MYRIP: variants seen among roughly 807,000 people sequenced by gnomAD.
MYRIP encodes myosin VIIA and Rab interacting protein.
Under a neutral mutation model 98.0 loss-of-function variants are expected in MYRIP, and 49 were observed. The observed-to-expected ratio is 0.50, with a 90% CI of 0.40 to 0.63. The LOEUF (loss-of-function observed/expected upper bound fraction) is 0.63, where lower values mean the gene tolerates loss of function less well. Among genes scored for constraint, MYRIP ranks in the 30% least tolerant of loss-of-function variants. The probability of loss-of-function intolerance (pLI) is 0.00; values close to 1 mark genes in which losing one functional copy is unlikely to be tolerated. For synonymous variants in MYRIP, 404 were observed against 409.5 expected, an observed-to-expected ratio of 0.99 and a Z score of 0.16; for missense variants, 1,004 against 1,058.2, an observed-to-expected ratio of 0.95 and a Z score of 0.71.
At position 39,841,899 on chromosome 3, in the gene MYRIP, G is replaced by T. The variant is rs555168718; in HGVS notation, c.-31+31983G>T. Among the ~76,000 whole-genome samples the T allele has an allele frequency of 1.4e-3, 208 of 152,320 alleles. 5 individuals are homozygous for T. In the South Asian group the frequency reaches 0.042, roughly 31 times the overall value. ...CTGTATAAGGTGTCTGTCAACCCCT[G>T]CTGGGAGGTGTCTCCCAGTCAGGAG... On this transcript the variant is annotated intron_variant, in intron 1 of 16. Coordinates refer to ENST00000302541, the MANE Select transcript of MYRIP (RefSeq NM_015460.4).
chr3:39,927,269 A>G (rs1212767663), intron 2 of MYRIP, among the ~76,000 whole-genome samples: 1 of 151,996 alleles, frequency 6.6e-6, no homozygotes, highest in African/African-American at 2.4e-5. Context: ...ATTGTCAGTG[A>G]AGAAATACAA....
chr3:39,845,195 G>C (rs1941925755), intron 1 of MYRIP, among the ~76,000 whole-genome samples: 1 of 152,172 alleles, frequency 6.6e-6, no homozygotes, highest in Non-Finnish European at 1.5e-5. Context: ...TGTGACTGAA[G>C]ATGCAGCTGG....
intron 2 of MYRIP, among the ~76,000 whole-genome samples, chr3:40,033,615 G>A (rs980977237): frequency 1.2e-4 from 18 of 152,158 alleles, no homozygotes; most frequent in African/African-American, 3.9e-4. Context: ...TGGGTAGGAA[G>A]AATCAACATC....
At chr3:39,945,044 G>C (rs1046525624) in intron 2 of MYRIP, among the ~76,000 whole-genome samples, 5 of 152,020 alleles carry the variant, frequency 3.3e-5, no homozygotes, top group Non-Finnish European at 7.4e-5. Flanking sequence ...TGGAAAGAAA[G>C]TCAGAGATGA....
At chr3:40,117,182 T>C (rs1365461307) in intron 3 of MYRIP, among the ~76,000 whole-genome samples, 4 of 152,212 alleles carry the variant, frequency 2.6e-5, no homozygotes, top group African/African-American at 4.8e-5. Flanking sequence ...CACCACCCTT[T>C]GGTGGCCAGT....
At chr3:40,128,110 T>C (rs1949558028) in intron 3 of MYRIP, among the ~76,000 whole-genome samples, 1 of 152,200 alleles carries the variant, frequency 6.6e-6, no homozygotes, top group African/African-American at 2.4e-5. Context: ...GTCAAACCCC[T>C]ATTAACCTCA....
chr3:40,004,087 G>A (rs1946581571), intron 2 of MYRIP, among the ~76,000 whole-genome samples: 1 of 152,208 alleles, frequency 6.6e-6, no homozygotes, highest in African/African-American at 2.4e-5. Flanking sequence ...TTTCAATCTA[G>A]TGGATTTCAG....
chr3:40,255,081 T>C (rs139872264), intron 16 of MYRIP, among the ~76,000 whole-genome samples: 115 of 152,336 alleles, frequency 7.5e-4, no homozygotes, highest in Middle Eastern at 3.4e-3. Context: ...CTTCTCTTCA[T>C]TGGTCAGCCA....
chr3:40,084,351 A>C lies in MYRIP; in HGVS notation c.332+40080A>C, dbSNP rs200461546. Among the ~76,000 whole-genome samples the C allele has an allele frequency of 4.9e-3, 679 of 139,722 alleles. 7 individuals are homozygous for C. Among genetic ancestry groups the C allele is most frequent in the African/African-American group, 9.1e-3 (330 of 36,068 alleles). 91.7% of individuals were successfully genotyped at this position (139,722 alleles called of 152,430 possible). The stretch of plus-strand genomic sequence containing the variant: ...TAGATAATACACATCTATGTATTAT[A>C]TATCGATAGATAATACACATCTATG... On this transcript the variant is annotated intron_variant, in intron 3 of 16. Transcript: ENST00000302541.
intron 3 of MYRIP, among the ~76,000 whole-genome samples, chr3:40,076,714 G>A (rs1178483861): frequency 6.6e-6 from 1 of 152,104 alleles, no homozygotes; most frequent in African/African-American, 2.4e-5. Flanking sequence ...GCTCAAAGGG[G>A]GACTGGCAGC....
chr3:40,236,457 AGT>A (rs1575666596), intron 12 of MYRIP, among the ~76,000 whole-genome samples: 1 of 152,184 alleles, frequency 6.6e-6, no homozygotes, highest in East Asian at 1.9e-4. Flanking sequence ...ATGACTTTGG[AGT>A]TCAGGAAAGC....
intron 1 of MYRIP, among the ~76,000 whole-genome samples, chr3:39,821,751 A>AT (rs1004909561): frequency 4.3e-4 from 65 of 150,986 alleles, no homozygotes; most frequent in Non-Finnish European, 6.8e-4. Flanking sequence ...ACTTTTTAAT[A>AT]TTTTTTTTTC....
intron 11 of MYRIP, among the ~76,000 whole-genome samples, chr3:40,212,091 T>C (rs1367608378): frequency 3.4e-5 from 5 of 145,596 alleles, no homozygotes; most frequent in African/African-American, 5.0e-5. Flanking sequence ...GCCATATATA[T>C]ATATGTGTGT....
chr3:40,194,260 C>T (rs1261426685), intron 10 of MYRIP, among the ~76,000 whole-genome samples: 1 of 152,046 alleles, frequency 6.6e-6, no homozygotes, highest in East Asian at 1.9e-4. Context: ...ATGTGATAAG[C>T]TCTAACCTTC....
chr3:40,142,842 T>TA (rs992027778), intron 3 of MYRIP, among the ~76,000 whole-genome samples: 1 of 152,240 alleles, frequency 6.6e-6, no homozygotes, highest in Non-Finnish European at 1.5e-5. Context: ...CTTTTCCCTA[T>TA]AAATCTCATC....
intron 1 of MYRIP, among the ~76,000 whole-genome samples, chr3:39,840,712 C>T (rs1471894908): frequency 6.6e-6 from 1 of 152,162 alleles, no homozygotes; most frequent in African/African-American, 2.4e-5. Flanking sequence ...ATTTCTCCTC[C>T]ACTTATGAAG....
At position 40,244,500 on chromosome 3, in the gene MYRIP, G is replaced by A. The variant is rs768380883; in HGVS notation, c.2155G>A (p.Glu719Lys). 2.7e-5 allele frequency: 43 copies of A among 1,613,872 alleles called. No homozygotes were observed. Among genetic ancestry groups the A allele is most frequent in the Non-Finnish European group, 3.1e-5 (37 of 1,179,920 alleles). ...ACTGGAGACCCAGCTGACTGAGCTA[G>A]AAGATGCCGCCCGCTGCATCCACAG... The part of the protein sequence containing the change: ...YGLETQLTEL[E>K]DAARCIHSGT... Residue 719 changes from glutamate to lysine, a missense_variant, in exon 13 of 17, where the codon GAA (glutamate) becomes AAA (lysine). Around this residue, in one of 3 missense-constraint regions of MYRIP, gnomAD observed 880 missense variants for 907.7 expected, o/e 0.97. Transcript: ENST00000302541.
chr3:39,833,546 A>G (rs558363786), intron 1 of MYRIP, among the ~76,000 whole-genome samples: 22 of 146,450 alleles, frequency 1.5e-4, no homozygotes, highest in Admixed American at 2.7e-4. Flanking sequence ...ACTGCTGTCT[A>G]TAGAAATTGA....
At chr3:39,907,874 GC>G (rs1033796277) in intron 2 of MYRIP, among the ~76,000 whole-genome samples, 1 of 152,146 alleles carries the variant, frequency 6.6e-6, no homozygotes, top group African/African-American at 2.4e-5. Flanking sequence ...GAAGACACCT[GC>G]AGCAAGATAT....
Sources: gnomAD v4.1 joint callset for allele counts (sites outside exome capture counted in the v4.1 genomes callset) on GRCh38, gnomAD v4.1.1 for gene constraint, gnomAD v4.1.1 regional missense constraint, MANE v1.5 for transcripts, NCBI Gene and HGNC (gene_info 2026-07-23, HGNC 2026-07-21) for gene names.